The following CYTH3 variants were observed in gnomAD, a reference collection of about 807,000 sequenced individuals.
CYTH3 encodes cytohesin 3.
Under a neutral mutation model 55.1 loss-of-function variants are expected in CYTH3, and 23 were observed. The ratio of observed to expected loss-of-function variants is 0.42; its 90% CI spans 0.30 to 0.59. CYTH3 has a LOEUF of 0.59. Among genes scored for constraint, CYTH3 ranks in the 20% least tolerant of loss-of-function variants. CYTH3 has a pLI of 0.20. For synonymous variants in CYTH3, 249 were observed against 194.9 expected, an observed-to-expected ratio of 1.28 and a Z score of -2.31; for missense variants, 413 against 524.8, an observed-to-expected ratio of 0.79 and a Z score of 2.08.
intron 1 of CYTH3, among the ~76,000 whole-genome samples, chr7:6,233,371 C>T (rs1387516429): frequency 6.6e-6 from 1 of 152,162 alleles, no homozygotes; most frequent in East Asian, 1.9e-4. Flanking sequence ...CCAATTCTAC[C>T]TTTGTAACTA....
At chr7:6,200,408 A>G (rs1327174186) in intron 1 of CYTH3, among the ~76,000 whole-genome samples, 1 of 152,204 alleles carries the variant, frequency 6.6e-6, no homozygotes, top group Non-Finnish European at 1.5e-5. Context: ...AACCCTCACT[A>G]TGTTTTAGTC....
Position 6,235,728 on chromosome 7 carries a change from C to T in CYTH3, c.34+36746G>A, listed in dbSNP as rs373220339. Among the ~76,000 whole-genome samples the T allele has an allele frequency of 1.8e-4, 28 of 152,232 alleles. No individual in the cohort carries two copies. In the East Asian group the frequency reaches 4.8e-3, roughly 26 times the overall value. ...CTGGTAGTATCTTGCTGCTCATTTA[C>T]AATTTTTTCTAGTCTTGGAAATCAA... On this transcript the variant is annotated intron_variant, in intron 1 of 12. Coordinates refer to ENST00000350796, the MANE Select transcript of CYTH3 (RefSeq NM_004227.4).
chr7:6,213,554 G>C (rs1323979006), intron 1 of CYTH3, among the ~76,000 whole-genome samples: 2 of 151,820 alleles, frequency 1.3e-5, no homozygotes, highest in South Asian at 2.1e-4. Context: ...TTGTTTGTTT[G>C]GTTTTGTTTT....
rs1307180509 is a variant in CYTH3, at chr7:6,253,381, G to C, written c.34+19093C>G. On this transcript the variant is annotated intron_variant, in intron 1 of 12. Transcript: ENST00000350796. Reference sequence around the variant, plus strand: ...AGCACCATGCCCAGTTAATTTTTTTGTATTTTTAGTAGAGATAGGGTTTCA... The same window carrying C: ...AGCACCATGCCCAGTTAATTTTTTTCTATTTTTAGTAGAGATAGGGTTTCA... Among the ~76,000 whole-genome samples, 5 of 151,778 alleles carry C rather than the reference G, an allele frequency of 3.3e-5. No individual in the cohort carries two copies. In the East Asian group the frequency reaches 5.9e-4, roughly 18 times the overall value.
intron 4 of CYTH3, among the ~76,000 whole-genome samples, chr7:6,179,721 C>CCA (rs1328242628): frequency 8.8e-6 from 1 of 114,080 alleles, no homozygotes; most frequent in Admixed American, 8.9e-5. Flanking sequence ...ACCCCACACA[C>CCA]CACACACACA....
intron 1 of CYTH3, among the ~76,000 whole-genome samples, chr7:6,229,317 A>T (rs1437360823): frequency 1.3e-5 from 2 of 152,212 alleles, no homozygotes; most frequent in African/African-American, 4.8e-5. Flanking sequence ...CTTTAAACTT[A>T]TAAAGAAATT....
chr7:6,262,697 T>A (rs1780381882), intron 1 of CYTH3, among the ~76,000 whole-genome samples: 1 of 152,112 alleles, frequency 6.6e-6, no homozygotes, highest in Non-Finnish European at 1.5e-5. Flanking sequence ...TTACAAAAAA[T>A]TAAAAACTGC....
intron 3 of CYTH3, among the ~76,000 whole-genome samples, chr7:6,187,376 G>A (rs75045460): frequency 0.022 from 3,292 of 152,324 alleles, 117 homozygotes; most frequent in African/African-American, 0.075. Context: ...TCCTTATGAC[G>A]CAGGCAGGTA....
intron 1 of CYTH3, among the ~76,000 whole-genome samples, chr7:6,244,189 A>G (rs1462355787): frequency 6.6e-6 from 1 of 152,242 alleles, no homozygotes; most frequent in African/African-American, 2.4e-5. Flanking sequence ...GAAATGGCAG[A>G]AAAGAATGTT....
intron 4 of CYTH3, among the ~76,000 whole-genome samples, chr7:6,182,371 C>A (rs1450110771): frequency 6.6e-6 from 1 of 152,012 alleles, no homozygotes; most frequent in Non-Finnish European, 1.5e-5. Flanking sequence ...TTTTAAGAGA[C>A]AGGGTCTCAT....
chr7:6,194,885 G>C (rs544765821), intron 1 of CYTH3, among the ~76,000 whole-genome samples: 98 of 151,950 alleles, frequency 6.4e-4, no homozygotes, highest in Non-Finnish European at 1.2e-3. Context: ...TGAGGCGGGA[G>C]AATCACTTGA....
At chr7:6,226,940 C>T (rs944604452) in intron 1 of CYTH3, among the ~76,000 whole-genome samples, 1 of 151,954 alleles carries the variant, frequency 6.6e-6, no homozygotes, top group East Asian at 1.9e-4. Context: ...ATTAGCCAGG[C>T]GTGGTGGCGG....
intron 1 of CYTH3, among the ~76,000 whole-genome samples, chr7:6,229,037 C>T (rs1461283608): frequency 7.9e-5 from 12 of 152,162 alleles, no homozygotes; most frequent in African/African-American, 2.4e-4. Flanking sequence ...GATAACCACA[C>T]CCCCTCTGAG....
intron 1 of CYTH3, among the ~76,000 whole-genome samples, chr7:6,243,424 G>A (rs1051636859): frequency 6.6e-6 from 1 of 152,214 alleles, no homozygotes; most frequent in African/African-American, 2.4e-5. Flanking sequence ...GGCAGGATGG[G>A]GGTGGGGAAG....
intron 4 of CYTH3, among the ~76,000 whole-genome samples, chr7:6,186,530 T>C (rs541775985): frequency 6.6e-6 from 1 of 152,178 alleles, no homozygotes; most frequent in Admixed American, 6.5e-5. Context: ...GATGCTGGCT[T>C]AAATGTGGAG....
chr7:6,259,784 AATAT>A lies in CYTH3; in HGVS notation c.34+12686_34+12689del, dbSNP rs71523777. Among the ~76,000 whole-genome samples, 73 of 20,930 alleles carry A rather than the reference AATAT, an allele frequency of 3.5e-3. 3 individuals carry two copies. The highest frequency in any genetic ancestry group is 0.028 in the Middle Eastern group (1 of 36). The allele number at this position is 20,930 out of a possible 152,430, so 13.7% of individuals were successfully genotyped here. A position where few individuals can be genotyped will look rare whatever the true frequency, so the allele number is the denominator to read the frequency against. Reference sequence around the variant, plus strand: ...ATATATATATATATTATATATATATAATATATATATATATATATATATATATATA... The same window carrying A: ...ATATATATATATATTATATATATATAATATATATATATATATATATATATA... On this transcript the variant is annotated intron_variant, in intron 1 of 12. Coordinates refer to ENST00000350796, the MANE Select transcript of CYTH3 (RefSeq NM_004227.4).
intron 5 of CYTH3, among the ~76,000 whole-genome samples, chr7:6,174,107 T>A (rs905980023): frequency 1.3e-5 from 2 of 151,048 alleles, no homozygotes; most frequent in Non-Finnish European, 2.9e-5. Flanking sequence ...TTCCAAAGTA[T>A]CATTTTATAT....
Position 6,179,887 on chromosome 7 carries a change from C to T in CYTH3, c.250-1946G>A, listed in dbSNP as rs577596174. 3.5e-3 allele frequency among the ~76,000 whole-genome samples: 497 copies of T among 143,030 alleles called. 7 individuals are homozygous for T. The highest frequency in any genetic ancestry group is 0.012 in the African/African-American group (455 of 37,332). 93.8% of individuals were successfully genotyped at this position (143,030 alleles called of 152,430 possible). ...ACACACCCACACACACCACACACAC[C>T]ACACACACCCACACACAACCACACA... On this transcript the variant is annotated intron_variant, in intron 4 of 12. Coordinates refer to ENST00000350796, the MANE Select transcript of CYTH3 (RefSeq NM_004227.4).
intron 1 of CYTH3, among the ~76,000 whole-genome samples, chr7:6,212,018 A>G (rs1006592166): frequency 1.3e-5 from 2 of 151,996 alleles, no homozygotes; most frequent in African/African-American, 4.8e-5. Flanking sequence ...AAAAAATACT[A>G]GGGTCTTATT....
Sources: gnomAD v4.1 joint callset for allele counts (sites outside exome capture counted in the v4.1 genomes callset) on GRCh38, gnomAD v4.1.1 for gene constraint, MANE v1.5 for transcripts, NCBI Gene and HGNC (gene_info 2026-07-23, HGNC 2026-07-21) for gene names.